Variants in ULK4 observed in about 807,000 individuals in gnomAD.
ULK4 encodes the protein inactive serine/threonine-protein kinase ULK4.
Under a neutral mutation model 160.6 loss-of-function variants are expected in ULK4, and 133 were observed. That is an observed-to-expected ratio of 0.83 (90% CI 0.72 to 0.96). ULK4 has a LOEUF of 0.96. Among genes scored for constraint, ULK4 ranks in the 40% least tolerant of loss-of-function variants. ULK4 has a pLI of 0.00. For missense variants in ULK4, 1,580 were observed against 1,499.5 expected (o/e 1.05, Z -0.89); for synonymous variants, 534 against 539.8 (o/e 0.99, Z 0.15).
chr3:41,689,409 A>T (rs1357248959), intron 27 of ULK4, among the ~76,000 whole-genome samples: 3 of 152,194 alleles, frequency 2.0e-5, no homozygotes, highest in East Asian at 3.8e-4. Context: ...AACAATTTAA[A>T]ATTGAAGTAT....
intron 25 of ULK4, among the ~76,000 whole-genome samples, chr3:41,713,441 TG>T (rs2037168658): frequency 6.6e-6 from 1 of 152,160 alleles, no homozygotes; most frequent in African/African-American, 2.4e-5. Flanking sequence ...CCATTAACAC[TG>T]AGTATACAAA....
intron 35 of ULK4, among the ~76,000 whole-genome samples, chr3:41,348,167 C>T (rs1474450319): frequency 1.5e-5 from 2 of 137,344 alleles, no homozygotes; most frequent in African/African-American, 5.7e-5. Context: ...TGAGATTACA[C>T]CATTGCACTC....
At chr3:41,886,774 C>A (rs1395629348) in intron 16 of ULK4, among the ~76,000 whole-genome samples, 1 of 152,112 alleles carries the variant, frequency 6.6e-6, no homozygotes, top group Non-Finnish European at 1.5e-5. Flanking sequence ...CAGGGTTTCA[C>A]CATGTTGGCC....
At chr3:41,254,340 A>AT (rs1394666504) in intron 35 of ULK4, among the ~76,000 whole-genome samples, 1 of 152,242 alleles carries the variant, frequency 6.6e-6, no homozygotes, top group Non-Finnish European at 1.5e-5. Flanking sequence ...TAACCAAGAT[A>AT]ACAGGAATAT....
At chr3:41,306,197 C>CCCCGCCCCG (rs1451823031) in intron 35 of ULK4, among the ~76,000 whole-genome samples, 2 of 58,196 alleles carry the variant, frequency 3.4e-5, no homozygotes, top group African/African-American at 2.9e-4. Context: ...GGGTCAGCCC[C>CCCCGCCCCG]CCACCCCGCC....
rs142761792 is a variant in ULK4, at chr3:41,605,312, A to G, written c.3120+10357T>C. Among the ~76,000 whole-genome samples the G allele has an allele frequency of 3.4e-3, 518 of 152,098 alleles. 3 individuals are homozygous for G. The highest frequency in any genetic ancestry group is 0.011 in the African/African-American group (475 of 41,546). On this transcript the variant is annotated intron_variant, in intron 31 of 36. Coordinates refer to ENST00000301831, the MANE Select transcript of ULK4 (RefSeq NM_017886.4). ...TTCTAAACCCCTTTAAAAGACTAAT[A>G]TTATTAGATTGAAAAAAAGGCAAGG... is the stretch of plus-strand genomic sequence containing the variant.
intron 30 of ULK4, among the ~76,000 whole-genome samples, chr3:41,633,856 G>C (rs1014086177): frequency 6.6e-6 from 1 of 152,104 alleles, no homozygotes; most frequent in Admixed American, 6.5e-5. Context: ...CCACCACCCA[G>C]AGCAATAAAC....
In ULK4 at chr3:41,798,738, T is replaced by A. The variant is rs934865329; in HGVS notation, c.2010+1394A>T. Among the ~76,000 whole-genome samples, 6 of 151,642 alleles carry A rather than the reference T, an allele frequency of 4.0e-5. No homozygotes were observed. In the South Asian group the frequency reaches 1.0e-3, roughly 26 times the overall value. On this transcript the variant is annotated intron_variant, in intron 20 of 36. Transcript: ENST00000301831. ...GAATGGGGGGATATGCAGCCAAGAT[T>A]GTGCGTGTTGTTGAGGGGGCAGGGG...
At chr3:41,790,404 C>A (rs567954592) in intron 20 of ULK4, among the ~76,000 whole-genome samples, 1 of 152,276 alleles carries the variant, frequency 6.6e-6, no homozygotes, top group Admixed American at 6.5e-5. Flanking sequence ...TATAATCAGA[C>A]CCTAGACCGT....
At chr3:41,901,478 CCTTT>C (rs1698358598) in intron 12 of ULK4, among the ~76,000 whole-genome samples, 1 of 22,946 alleles carries the variant, frequency 4.4e-5, no homozygotes, top group African/African-American at 6.0e-5. Context: ...CCACGCCCAG[CCTTT>C]TTTTTTTTTT....
chr3:41,792,850 C>A (rs1191453978), intron 20 of ULK4, among the ~76,000 whole-genome samples: 1 of 152,186 alleles, frequency 6.6e-6, no homozygotes, highest in Non-Finnish European at 1.5e-5. Context: ...ATCTGATCTT[C>A]AGTGATGTGG....
At chr3:41,261,013 A>G (rs2125676605) in intron 35 of ULK4, among the ~76,000 whole-genome samples, 1 of 152,320 alleles carries the variant, frequency 6.6e-6, no homozygotes, top group Non-Finnish European at 1.5e-5. Flanking sequence ...AGAAAACAGC[A>G]GATGACCTCT....
chr3:41,620,195 C>T (rs1031515171), intron 30 of ULK4, among the ~76,000 whole-genome samples: 3 of 152,168 alleles, frequency 2.0e-5, no homozygotes, highest in Non-Finnish European at 4.4e-5. Context: ...CAAAGAGGAG[C>T]TGGTACCATT....
At chr3:41,647,739 A>C (rs572441675) in intron 30 of ULK4, among the ~76,000 whole-genome samples, 1 of 152,336 alleles carries the variant, frequency 6.6e-6, no homozygotes, top group South Asian at 2.1e-4. Context: ...TCAGACAGGG[A>C]CATTTAAGTC....
At chr3:41,479,440 T>C (rs2084245451) in intron 32 of ULK4, among the ~76,000 whole-genome samples, 2 of 152,054 alleles carry the variant, frequency 1.3e-5, no homozygotes, top group Admixed American at 6.5e-5. Context: ...AAAGCACCAG[T>C]TGGTGCTGTT....
chr3:41,477,788 C>T (rs1034536002), intron 32 of ULK4, among the ~76,000 whole-genome samples: 7 of 152,234 alleles, frequency 4.6e-5, no homozygotes, highest in African/African-American at 7.2e-5. Context: ...CATGCAGCCT[C>T]TTCTGGCCAA....
intron 35 of ULK4, among the ~76,000 whole-genome samples, chr3:41,366,629 C>T (rs1020698547): frequency 3.3e-5 from 5 of 151,822 alleles, no homozygotes; most frequent in East Asian, 1.9e-4. Flanking sequence ...ACTTATTGTG[C>T]GCAGATATAC....
chr3:41,724,251 T>C lies in ULK4; in HGVS notation c.2322-6390A>G, dbSNP rs79169255. Among the ~76,000 whole-genome samples, 378 of 152,334 alleles carry C rather than the reference T, an allele frequency of 2.5e-3. 2 individuals are homozygous for C. The highest frequency in any genetic ancestry group is 8.3e-3 in the African/African-American group (347 of 41,574). ...CATTTGGGCTATTTCAATTAATGAA[T>C]AGGGCTAAGCATAACTTATGCTGGA... On this transcript the variant is annotated intron_variant, in intron 22 of 36. Transcript: ENST00000301831.
rs78881482 is a variant in ULK4, at chr3:41,556,736, C to A, written c.3226+9289G>T. 7.1e-3 allele frequency among the ~76,000 whole-genome samples: 1,086 copies of A among 152,138 alleles called. 22 individuals are homozygous for A. In the East Asian group the frequency reaches 0.094, roughly 13 times the overall value. ...TCTGCTGACCTCGTAATCCGCCCAC[C>A]TCAGCCTCCAAAAGTGCTGGGATTA... On this transcript the variant is annotated intron_variant, in intron 32 of 36. Transcript: ENST00000301831.
Sources: gnomAD v4.1 joint callset for allele counts (sites outside exome capture counted in the v4.1 genomes callset) on GRCh38, gnomAD v4.1.1 for gene constraint, MANE v1.5 for transcripts, NCBI Gene and HGNC (gene_info 2026-07-23, HGNC 2026-07-21) for gene names.